Variants in PCDHGA4 observed in about 807,000 individuals in gnomAD.
PCDHGA4 encodes protocadherin gamma-A4.
A neutral mutation model predicts 54.6 loss-of-function variants in PCDHGA4; 38 were observed. That is an observed-to-expected ratio of 0.70 (90% confidence interval 0.54 to 0.91). The LOEUF (loss-of-function observed/expected upper bound fraction) is 0.91, where lower values mean the gene tolerates loss of function less well. Among genes scored for constraint, PCDHGA4 ranks in the 40% least tolerant of loss-of-function variants. The pLI is 0.00. For synonymous variants in PCDHGA4, 511 were observed against 512.9 expected (o/e 1.00, Z 0.05); for missense variants, 1,298 against 1,220.9 (o/e 1.06, Z -0.94).
chr5:141,380,182 G>A (rs997433342), intron 1 of PCDHGA4, among the ~76,000 whole-genome samples: 1 of 152,142 alleles, frequency 6.6e-6, no homozygotes, highest in Non-Finnish European at 1.5e-5. Context: ...TTACAGGCAT[G>A]AGCCACTGAG....
intron 2 of PCDHGA4, among the ~76,000 whole-genome samples, chr5:141,504,786 C>A (rs568185327): frequency 6.6e-6 from 1 of 152,014 alleles, no homozygotes; most frequent in South Asian, 2.1e-4. Context: ...TCTCTTGGGG[C>A]CTCCTACATC....
intron 1 of PCDHGA4, among the ~76,000 whole-genome samples, chr5:141,450,816 T>C (rs960010807): frequency 7.9e-6 from 1 of 126,568 alleles, no homozygotes; most frequent in Non-Finnish European, 1.6e-5. Context: ...ATTTATTTAA[T>C]ATTATTATTA....
chr5:141,400,452 A>C, intron 1 of PCDHGA4: 3 of 1,614,038 alleles, frequency 1.9e-6, no homozygotes, highest in Non-Finnish European at 2.5e-6. Context: ...GACAAGACAT[A>C]CTTTGTGGTG....
chr5:141,366,931 G>GA, intron 1 of PCDHGA4: 2 of 939,892 alleles, frequency 2.1e-6, no homozygotes, highest in Non-Finnish European at 3.0e-6. Context: ...TCTGTTTTGG[G>GA]AAGTCTAGCT....
intron 1 of PCDHGA4, among the ~76,000 whole-genome samples, chr5:141,433,397 A>ATCTC (rs1179042498): frequency 6.6e-6 from 1 of 150,410 alleles, no homozygotes; most frequent in African/African-American, 2.5e-5. Flanking sequence ...CTATCTATCT[A>ATCTC]TCTATCTATT....
In PCDHGA4 at chr5:141,355,265, T is replaced by A; in HGVS notation, c.158T>A (p.Val53Asp). 1 of 1,613,204 alleles carries A rather than the reference T, an allele frequency of 6.2e-7. No homozygotes were observed. The highest frequency in any genetic ancestry group is 8.5e-7 in the Non-Finnish European group (1 of 1,179,818). ...RLLQICLLLG[V>D]LVEIRAEQIL... ...CTCCAGATCTGCCTTCTCCTGGGGG[T>A]TCTGGTGGAAATCAGGGCCGAACAG... The change falls in exon 1 of 4, where the codon GTT becomes GAT. Residue 53 changes from valine (V) to aspartate (D), a missense_variant. Physicochemically the swap from Val to Asp is radical, Grantham distance 152. Coordinates refer to ENST00000571252, the MANE Select transcript of PCDHGA4 (RefSeq NM_018917.4).
At chr5:141,458,921 C>T (rs1471065767) in intron 1 of PCDHGA4, among the ~76,000 whole-genome samples, 1 of 151,960 alleles carries the variant, frequency 6.6e-6, no homozygotes, top group East Asian at 1.9e-4. Flanking sequence ...TTTGTGGAGA[C>T]GGGGTCTCAC....
chr5:141,444,470 C>T (rs1275997551), intron 1 of PCDHGA4, among the ~76,000 whole-genome samples: 2 of 152,058 alleles, frequency 1.3e-5, no homozygotes, highest in African/African-American at 2.4e-5. Flanking sequence ...TGCGCCCGGT[C>T]GCGTACTGGA....
intron 1 of PCDHGA4, chr5:141,402,950 G>A (rs992704558): frequency 2.5e-6 from 4 of 1,596,662 alleles, no homozygotes; most frequent in Non-Finnish European, 3.4e-6. Flanking sequence ...AAGCGAGGCA[G>A]CAATGGCAGC....
intron 1 of PCDHGA4, among the ~76,000 whole-genome samples, chr5:141,472,590 C>T (rs1161871973): frequency 6.6e-6 from 1 of 151,908 alleles, no homozygotes; most frequent in Non-Finnish European, 1.5e-5. Flanking sequence ...GTCAGAAGCT[C>T]TCTTGAAATT....
chr5:141,481,729 G>A (rs757464454), intron 1 of PCDHGA4, among the ~76,000 whole-genome samples: 6 of 151,966 alleles, frequency 3.9e-5, no homozygotes, highest in Admixed American at 1.3e-4. Flanking sequence ...GGAGGCGGGC[G>A]GATCACGAGG....
chr5:141,405,376 G>A lies in PCDHGA4; in HGVS notation c.2514+47755G>A, dbSNP rs567557596. On this transcript the variant is annotated intron_variant, in intron 1 of 3. Coordinates refer to ENST00000571252, the MANE Select transcript of PCDHGA4 (RefSeq NM_018917.4). The stretch of plus-strand genomic sequence containing the variant: ...CTATAGAAGACACCCCTTTGGTTCC[G>A]GTGAGTTCATTTTTTTTCTTTCTTT... The A allele has an allele frequency of 4.3e-4, 696 of 1,602,156 alleles. 3 individuals carry two copies. In the South Asian group the frequency reaches 6.8e-3, roughly 16 times the overall value.
chr5:141,384,399 A>G (rs1269939422), intron 1 of PCDHGA4: 2 of 1,613,970 alleles, frequency 1.2e-6, no homozygotes, highest in Non-Finnish European at 1.7e-6. Context: ...AGGGGGCTCC[A>G]GTGTCCTCCT....
chr5:141,357,220 G>A lies in PCDHGA4; in HGVS notation c.2113G>A (p.Asp705Asn). 1 of 1,613,852 alleles carries A rather than the reference G, an allele frequency of 6.2e-7. No individual in the cohort carries two copies. ...CGACAGCATCCCAGATGTCCTGGCT[G>A]ACTTGGGCAGCCTCAAGCCTTCAGC... ...VADSIPDVLADLGSLKPSADP... is the reference protein window; with the variant it reads ...VADSIPDVLANLGSLKPSADP... The change falls in exon 1 of 4, where the codon GAC becomes AAC. Residue 705 changes from aspartate (D) to asparagine (N), a missense_variant. Asp to Asn is a conservative substitution (Grantham distance 23, BLOSUM62 1). Transcript: ENST00000571252.
chr5:141,462,354 C>T (rs1157515386), intron 1 of PCDHGA4, among the ~76,000 whole-genome samples: 1 of 152,162 alleles, frequency 6.6e-6, no homozygotes, highest in Non-Finnish European at 1.5e-5. Flanking sequence ...CAAAAATATA[C>T]ATTGTATAGT....
At chr5:141,362,214 T>TGTGGCC (rs1294960124) in intron 1 of PCDHGA4, 1 of 1,613,866 alleles carries the variant, frequency 6.2e-7, no homozygotes, top group Non-Finnish European at 8.5e-7. Flanking sequence ...TTTACCTGGT[T>TGTGGCC]GTGGCCTTGG....
intron 1 of PCDHGA4, chr5:141,361,290 A>G: frequency 6.2e-7 from 1 of 1,614,038 alleles, no homozygotes; most frequent in East Asian, 2.2e-5. Flanking sequence ...TTTACTGCCA[A>G]GTGTTGGGAA....
chr5:141,410,849 C>G, intron 1 of PCDHGA4: 1 of 136,716 alleles, frequency 7.3e-6, no homozygotes, highest in Non-Finnish European at 1.2e-5. Flanking sequence ...TTGTCTTTGT[C>G]TTTTTTTTTT....
intron 2 of PCDHGA4, among the ~76,000 whole-genome samples, chr5:141,496,538 T>G (rs568286018): frequency 1.5e-4 from 23 of 152,266 alleles, no homozygotes; most frequent in African/African-American, 5.5e-4. Flanking sequence ...TGGCAGAGAT[T>G]CCAGCTTCTG....
Sources: gnomAD v4.1 joint callset for allele counts (sites outside exome capture counted in the v4.1 genomes callset) on GRCh38, gnomAD v4.1.1 for gene constraint, MANE v1.5 for transcripts, NCBI Gene and HGNC (gene_info 2026-07-23, HGNC 2026-07-21) for gene names.